Variants in HRH2 observed in about 807,000 individuals in gnomAD.
HRH2 encodes the protein histamine H2 receptor.
HRH2 carries 4 observed loss-of-function variants against 20.1 expected under a neutral mutation model. The ratio of observed to expected loss-of-function variants is 0.20; its 90% CI spans 0.10 to 0.45. HRH2 has a LOEUF of 0.45. Among genes scored for constraint, HRH2 ranks in the 20% least tolerant of loss-of-function variants. The pLI, the probability that HRH2 is intolerant of heterozygous loss-of-function variation, is 0.99. For synonymous variants in HRH2, 197 were observed against 200.7 expected (o/e 0.98, Z 0.16); for missense variants, 250 against 461.6 (o/e 0.54, Z 4.20).
Position 175,683,301 on chromosome 5 carries a change from T to C in HRH2, c.68T>C (p.Val23Ala), listed in dbSNP as rs1756055846. The stretch of plus-strand genomic sequence containing the variant: ...ACCGCATGCAAGATCACCATCACCG[T>C]GGTCCTTGCGGTCCTCATCCTCATC... ...DSTACKITIT[V>A]VLAVLILITV... Residue 23 changes from valine to alanine, a missense_variant, in exon 2 of 3, where the codon GTG becomes GCG. Coordinates refer to ENST00000636584, the MANE Select transcript of HRH2 (RefSeq NM_001367711.1). 1 of 1,614,032 alleles carries C rather than the reference T, an allele frequency of 6.2e-7. No homozygotes were observed. Among genetic ancestry groups the C allele is most frequent in the African/African-American group, 1.3e-5 (1 of 74,910 alleles).
At chr5:175,700,337 G>C (rs1382679789) in intron 2 of HRH2, among the ~76,000 whole-genome samples, 5 of 152,202 alleles carry the variant, frequency 3.3e-5, no homozygotes. Context: ...AATTTGGGAA[G>C]TTAGAAGACA....
Position 175,677,785 on chromosome 5 carries a change from C to T in HRH2, c.-525-4924C>T, listed in dbSNP as rs1462957472. On this transcript the variant is annotated intron_variant, in intron 1 of 2. Coordinates refer to ENST00000636584, the MANE Select transcript of HRH2 (RefSeq NM_001367711.1). This position sits in a 1 kb window ranked among gnomAD's most constrained non-coding sequence, Gnocchi z 4.2. ...GTGCCGGGCAGCCACCTGCTCCGGC[C>T]CACCCCCAGCTGCCACACCCTCGAA... is the stretch of plus-strand genomic sequence containing the variant. Among the ~76,000 whole-genome samples the T allele has an allele frequency of 6.6e-6, 1 of 152,170 alleles. No individual in the cohort carries two copies. Among genetic ancestry groups the T allele is most frequent in the Non-Finnish European group, 1.5e-5 (1 of 68,026 alleles).
At chr5:175,680,194 C>T (rs886232235) in intron 1 of HRH2, among the ~76,000 whole-genome samples, 2 of 152,254 alleles carry the variant, frequency 1.3e-5, no homozygotes, top group East Asian at 1.9e-4. Context: ...TGCACATATC[C>T]TCATGAGAGC....
At chr5:175,668,900 CA>C (rs1755413521) in intron 1 of HRH2, among the ~76,000 whole-genome samples, 1 of 152,180 alleles carries the variant, frequency 6.6e-6, no homozygotes, top group African/African-American at 2.4e-5. Context: ...GGGCAGGACT[CA>C]CTCAGTGCAG....
At chr5:175,704,630 G>T (rs552093264) in intron 2 of HRH2, among the ~76,000 whole-genome samples, 2 of 152,032 alleles carry the variant, frequency 1.3e-5, no homozygotes, top group Admixed American at 1.3e-4. Context: ...AAAAAATAAG[G>T]GGGAGAAAAC....
At chr5:175,679,166 G>A (rs1365460271) in intron 1 of HRH2, among the ~76,000 whole-genome samples, 1 of 152,080 alleles carries the variant, frequency 6.6e-6, no homozygotes, top group Non-Finnish European at 1.5e-5. Flanking sequence ...AGAGAAAAGT[G>A]GTATTTTGTG....
rs925241278 is a variant in HRH2, at chr5:175,708,488, C to A, written c.*517C>A. 3 of 152,326 alleles carry A rather than the reference C, an allele frequency of 2.0e-5. No individual in the cohort carries two copies. The highest frequency in any genetic ancestry group is 7.2e-5 in the African/African-American group (3 of 41,424). The allele number at this position is 152,326 out of a possible 1,614,324, so 9.4% of individuals were successfully genotyped here. A position where few individuals can be genotyped will look rare whatever the true frequency, so the allele number is the denominator to read the frequency against. ...GCTTCCCTGGCATGAGCTCTCGTAA[C>A]CCTTATAGCAACATGAGTTTAGAGC... On this transcript the variant is annotated 3_prime_UTR_variant, in exon 3 of 3. Coordinates refer to ENST00000636584, the MANE Select transcript of HRH2 (RefSeq NM_001367711.1).
At position 175,692,214 on chromosome 5, in the gene HRH2, C is replaced by T. The variant is rs555364017; in HGVS notation, c.1076+7905C>T. On this transcript the variant is annotated intron_variant, in intron 2 of 2. Coordinates refer to ENST00000636584, the MANE Select transcript of HRH2 (RefSeq NM_001367711.1). ...TGCCCTTGTAGGGTGAAAGCAGCCA[C>T]AGCCCGTACATAAATGGATGGAGAT... 1.0e-3 allele frequency among the ~76,000 whole-genome samples: 155 copies of T among 152,354 alleles called. 1 individual carries two copies. Among genetic ancestry groups the T allele is most frequent in the African/African-American group, 3.6e-3 (150 of 41,590 alleles).
At chr5:175,698,465 G>T (rs554309189) in intron 2 of HRH2, among the ~76,000 whole-genome samples, 1 of 152,280 alleles carries the variant, frequency 6.6e-6, no homozygotes, top group African/African-American at 2.4e-5. Flanking sequence ...GCACACACTT[G>T]TTCTCGCTTT....
In HRH2 at chr5:175,686,850, C is replaced by T. The variant is rs114515506; in HGVS notation, c.1076+2541C>T. On this transcript the variant is annotated intron_variant, in intron 2 of 2. Transcript: ENST00000636584. This position sits in a 1 kb window ranked among gnomAD's most constrained non-coding sequence, Gnocchi z 4.7. ...GTAAACTGCCCCAAGGGATACAACC[C>T]AAAGTTGCGATCTGAGCAACAACAG... Among the ~76,000 whole-genome samples, 2,282 of 152,314 alleles carry T rather than the reference C, an allele frequency of 0.015. 34 individuals are homozygous for T. Among genetic ancestry groups the T allele is most frequent in the Non-Finnish European group, 0.019 (1,321 of 68,036 alleles).
chr5:175,692,010 C>T (rs1007067075), intron 2 of HRH2, among the ~76,000 whole-genome samples: 2 of 152,140 alleles, frequency 1.3e-5, no homozygotes, highest in East Asian at 3.9e-4. Context: ...GACCCCTTCA[C>T]CTGATGCTTT....
Position 175,672,450 on chromosome 5 carries a change from T to A in HRH2, c.-525-10259T>A, listed in dbSNP as rs531068696. On this transcript the variant is annotated intron_variant, in intron 1 of 2. Coordinates refer to ENST00000636584, the MANE Select transcript of HRH2 (RefSeq NM_001367711.1). ...AGGACTTTGGCCAAGTCACAAAACATCATAAACCTTAATTTTCTTATCTAT... is the reference window on the plus strand; with the variant it reads ...AGGACTTTGGCCAAGTCACAAAACAACATAAACCTTAATTTTCTTATCTAT... 2.6e-5 allele frequency among the ~76,000 whole-genome samples: 4 copies of A among 152,302 alleles called. No individual in the cohort carries two copies. The South Asian group carries it at 8.3e-4, about 32-fold the overall frequency.
At chr5:175,685,515 C>T (rs1467421406) in intron 2 of HRH2, 1 of 1,523,094 alleles carries the variant, frequency 6.6e-7, no homozygotes, top group Non-Finnish European at 8.9e-7. Context: ...CACCACATGC[C>T]AGGAATTATG....
rs572026575 is a variant in HRH2, at chr5:175,671,815, G to A, written c.-525-10894G>A. Among the ~76,000 whole-genome samples the A allele has an allele frequency of 2.6e-5, 4 of 152,266 alleles. No homozygotes were observed. The East Asian group carries it at 7.7e-4, about 29-fold the overall frequency. The stretch of plus-strand genomic sequence containing the variant: ...AATTGCAATGTATTTATTATGCAGT[G>A]AGGTATGACCTCCAAAAGAAAGAGG... On this transcript the variant is annotated intron_variant, in intron 1 of 2. Transcript: ENST00000636584.
intron 1 of HRH2, among the ~76,000 whole-genome samples, chr5:175,665,252 A>G (rs1376771041): frequency 1.3e-5 from 2 of 152,208 alleles, no homozygotes; most frequent in Admixed American, 6.5e-5. Flanking sequence ...GGTTCCTGCT[A>G]CGACCGAGGA....
At position 175,677,916 on chromosome 5, in the gene HRH2, G is replaced by T. The variant is rs1043354249; in HGVS notation, c.-525-4793G>T. 6.6e-6 allele frequency among the ~76,000 whole-genome samples: 1 copy of T among 152,134 alleles called. No individual in the cohort carries two copies. Among genetic ancestry groups the T allele is most frequent in the Admixed American group, 6.5e-5 (1 of 15,278 alleles). On this transcript the variant is annotated intron_variant, in intron 1 of 2. Transcript: ENST00000636584. The surrounding 1 kb of genome is among the most constrained non-coding windows in gnomAD (Gnocchi z 4.2). ...CCTCCACCTGCCGGAGGCGTCTCAG[G>T]GTTCTTGGGCTACAACCCACCATCT... is the stretch of plus-strand genomic sequence containing the variant.
At chr5:175,660,275 G>A in intron 1 of HRH2, among the ~76,000 whole-genome samples, 1 of 152,164 alleles carries the variant, frequency 6.6e-6, no homozygotes, top group East Asian at 1.9e-4. Flanking sequence ...TTAAAGAAGA[G>A]GAGATCATCC....
intron 1 of HRH2, among the ~76,000 whole-genome samples, chr5:175,674,953 A>T (rs1253949548): frequency 6.6e-6 from 1 of 152,236 alleles, no homozygotes; most frequent in Non-Finnish European, 1.5e-5. Context: ...TACAACTGCA[A>T]TCATGCCATC....
intron 2 of HRH2, among the ~76,000 whole-genome samples, chr5:175,696,698 T>A (rs995420309): frequency 6.6e-6 from 1 of 152,076 alleles, no homozygotes; most frequent in Non-Finnish European, 1.5e-5. Flanking sequence ...TCCCACAACT[T>A]TGCTTCTTCC....
Sources: gnomAD v4.1 joint callset for allele counts (sites outside exome capture counted in the v4.1 genomes callset) on GRCh38, gnomAD v4.1.1 for gene constraint, Gnocchi (gnomAD v3.1) non-coding constraint, MANE v1.5 for transcripts, NCBI Gene and HGNC (gene_info 2026-07-23, HGNC 2026-07-21) for gene names.